CFAP47: variants seen among roughly 807,000 people sequenced by gnomAD.
CFAP47 encodes the protein cilia- and flagella-associated protein 47.
A neutral mutation model predicts 148.1 loss-of-function variants in CFAP47; 29 were observed. The ratio of observed to expected loss-of-function variants is 0.20; its 90% CI spans 0.15 to 0.27. The LOEUF (loss-of-function observed/expected upper bound fraction) is 0.27. Among genes scored for constraint, CFAP47 ranks in the 10% least tolerant of loss-of-function variants. CFAP47 has a pLI of 1.00. For missense variants in CFAP47, 1,872 were observed against 1,697.5 expected (o/e 1.10, Z -1.81); for synonymous variants, 664 against 577.3 (o/e 1.15, Z -2.15).
rs367664722 is a variant in CFAP47, at chrX:35,971,681, A to T, written c.2066A>T (p.Glu689Val). ...PSLSEAEIEE[E>V]LSSAANSIRA... ...CTCTCAGAAGCGGAAATAGAAGAGGAGCTGTCTTCAGCAGCAAATTCAATT... is the reference window on the plus strand; with the variant it reads ...CTCTCAGAAGCGGAAATAGAAGAGGTGCTGTCTTCAGCAGCAAATTCAATT... Residue 689 changes from glutamate to valine, a missense_variant, in exon 12 of 64, where the codon GAG becomes GTG. By Grantham distance (121) the Glu-to-Val change is moderately radical (BLOSUM62 -2). Coordinates refer to ENST00000378653, the MANE Select transcript of CFAP47 (RefSeq NM_001304548.2). The T allele has an allele frequency of 5.0e-6, 6 of 1,206,031 alleles. No individual in the cohort carries two copies. Among genetic ancestry groups the T allele is most frequent in the Non-Finnish European group, 6.7e-6 (6 of 891,900 alleles).
At chrX:36,347,065 C>G (rs1010931164) in intron 57 of CFAP47, among the ~76,000 whole-genome samples, 1 of 111,948 alleles carries the variant, frequency 8.9e-6, no homozygotes, top group African/African-American at 3.2e-5. Flanking sequence ...TATCCAGAAT[C>G]TACAAAGAAC....
chrX:36,064,390 G>A (rs1184747118), intron 26 of CFAP47, among the ~76,000 whole-genome samples: 1 of 111,932 alleles, frequency 8.9e-6, no homozygotes, highest in African/African-American at 3.2e-5. Context: ...ATGATGTTGA[G>A]TGTGTGTATT....
rs1935838248 is a variant in CFAP47 at position 35,932,215 on chromosome X, AT to A, written c.401+6053del. Among the ~76,000 whole-genome samples, 3 of 105,448 alleles carry A rather than the reference AT, an allele frequency of 2.8e-5. No individual in the cohort carries two copies. The South Asian group carries it at 1.3e-3, about 45-fold the overall frequency. 91.6% of individuals were successfully genotyped at this position (105,448 alleles called of 115,157 possible). A position where few individuals can be genotyped will look rare whatever the true frequency, so the allele number is the denominator to read the frequency against. ...AAACATGCACCACCAAGCCTGGCTA[AT>A]TTTTTCTTTCTTTCTTTTTTTCTTT... On this transcript the variant is annotated intron_variant, in intron 2 of 63. Transcript: ENST00000378653.
intron 57 of CFAP47, among the ~76,000 whole-genome samples, chrX:36,323,364 A>C (rs1485855571): frequency 1.9e-5 from 2 of 108,099 alleles, no homozygotes; most frequent in African/African-American, 6.7e-5. Flanking sequence ...TCTCTCTCTA[A>C]TGCTATGTGT....
chrX:36,074,664 G>GTA (rs1175591300), intron 29 of CFAP47, among the ~76,000 whole-genome samples: 1 of 110,731 alleles, frequency 9.0e-6, no homozygotes, highest in Non-Finnish European at 1.9e-5. Flanking sequence ...CGTTAATATG[G>GTA]TATATATATG....
intron 21 of CFAP47, among the ~76,000 whole-genome samples, chrX:36,009,073 G>A (rs977951237): frequency 9.0e-6 from 1 of 111,014 alleles, no homozygotes; most frequent in Non-Finnish European, 1.9e-5. Context: ...GTGACACATT[G>A]AAAGAAAAGA....
At chrX:35,924,075 A>C (rs1188141036) in intron 1 of CFAP47, among the ~76,000 whole-genome samples, 1 of 97,618 alleles carries the variant, frequency 1.0e-5, no homozygotes, top group Non-Finnish European at 2.0e-5. Context: ...ATATATGTAT[A>C]TATGTACATG....
intron 26 of CFAP47, among the ~76,000 whole-genome samples, chrX:36,057,676 A>G (rs1937565362): frequency 9.0e-6 from 1 of 111,641 alleles, no homozygotes; most frequent in Non-Finnish European, 1.9e-5. Flanking sequence ...TATGTTTTAT[A>G]ATTTTTTTAA....
At chrX:36,122,722 C>G (rs1469573458) in intron 33 of CFAP47, among the ~76,000 whole-genome samples, 1 of 111,590 alleles carries the variant, frequency 9.0e-6, no homozygotes, top group Admixed American at 9.5e-5. Context: ...TCTTGAATTT[C>G]TTTGAGTTTT....
chrX:36,235,345 G>A (rs984552546), intron 46 of CFAP47, among the ~76,000 whole-genome samples: 1 of 112,256 alleles, frequency 8.9e-6, no homozygotes, highest in Non-Finnish European at 1.9e-5. Context: ...CCCCAGCCTC[G>A]CTGCTGCCTT....
chrX:36,146,694 C>T (rs1429472833), intron 36 of CFAP47, among the ~76,000 whole-genome samples: 1 of 111,159 alleles, frequency 9.0e-6, no homozygotes, highest in Non-Finnish European at 1.9e-5. Flanking sequence ...CATAGAAAGT[C>T]GTTCTTACCA....
intron 30 of CFAP47, among the ~76,000 whole-genome samples, chrX:36,088,293 G>A (rs1184432955): frequency 1.8e-5 from 2 of 111,133 alleles, no homozygotes; most frequent in Admixed American, 1.9e-4. Context: ...AATTTTGTAT[G>A]GATATATTTG....
chrX:36,218,303 T>G (rs2146893709), intron 45 of CFAP47, among the ~76,000 whole-genome samples: 1 of 112,242 alleles, frequency 8.9e-6, no homozygotes, highest in African/African-American at 3.2e-5. Flanking sequence ...GGTAATTTTG[T>G]CTTCTTAGAA....
intron 57 of CFAP47, among the ~76,000 whole-genome samples, chrX:36,343,832 C>T (rs1941673157): frequency 9.0e-6 from 1 of 110,631 alleles, no homozygotes; most frequent in Admixed American, 9.7e-5. Flanking sequence ...TCCATGTGAT[C>T]TCATTGTTCA....
intron 33 of CFAP47, among the ~76,000 whole-genome samples, chrX:36,122,523 T>G (rs186220728): frequency 2.7e-5 from 3 of 111,682 alleles, no homozygotes; most frequent in Non-Finnish European, 5.7e-5. Context: ...ACTGTTTATA[T>G]TCAAATAGCC....
At chrX:35,972,621 T>C (rs1336102968) in intron 13 of CFAP47, among the ~76,000 whole-genome samples, 2 of 111,948 alleles carry the variant, frequency 1.8e-5, no homozygotes, top group Non-Finnish European at 3.8e-5. Context: ...AATCATACAA[T>C]ATCTAGCCTT....
At chrX:36,001,740 C>T (rs1043388634) in intron 21 of CFAP47, 33 bp downstream of exon 21, 2 of 286,260 alleles carry the variant, frequency 7.0e-6, no homozygotes, top group Non-Finnish European at 1.2e-5. Flanking sequence ...CATATTACTG[C>T]AGTTATGGGT....
intron 24 of CFAP47, among the ~76,000 whole-genome samples, chrX:36,036,359 A>AT (rs200119140): frequency 0.24 from 24,570 of 102,313 alleles, 4,255 homozygotes; most frequent in African/African-American, 0.57. Flanking sequence ...AGGTTCAATC[A>AT]TTTTTTTTTT....
intron 10 of CFAP47, 91 bp from the exon 11 acceptor site, chrX:35,970,677 C>A: frequency 1.6e-6 from 1 of 642,524 alleles, no homozygotes; most frequent in Non-Finnish European, 2.3e-6. Context: ...CATCCAACAC[C>A]TGATATAGAA....
Sources: gnomAD v4.1 joint callset for allele counts (sites outside exome capture counted in the v4.1 genomes callset) on GRCh38, gnomAD v4.1.1 for gene constraint, MANE v1.5 for transcripts, NCBI Gene and HGNC (gene_info 2026-07-23, HGNC 2026-07-21) for gene names.